The following PIGO variants were observed in gnomAD, a reference collection of about 807,000 sequenced individuals.
PIGO encodes GPI ethanolamine phosphate transferase 3, catalytic subunit.
In PIGO, 66 loss-of-function variants were observed where a neutral mutation model predicts 86.9. The ratio of observed to expected loss-of-function variants is 0.76; its 90% CI spans 0.62 to 0.93. The LOEUF (loss-of-function observed/expected upper bound fraction) is 0.93, where lower values mean the gene tolerates loss of function less well. Ranked by LOEUF, PIGO falls within the 40% of genes least tolerant of loss-of-function variation. PIGO has a pLI of 0.00. For synonymous variants in PIGO, 570 were observed against 556.4 expected (o/e 1.02, Z -0.34); for missense variants, 1,202 against 1,359.1 (o/e 0.88, Z 1.82).
In PIGO at chr9:35,092,450, G is replaced by A. The variant is rs143610910; in HGVS notation, c.1437C>T (p.Phe479=). 6.2e-7 allele frequency: 1 copy of A among 1,614,262 alleles called. No individual in the cohort carries two copies. Among genetic ancestry groups the A allele is most frequent in the Admixed American group, 1.7e-5 (1 of 60,036 alleles). Reference sequence around the variant, plus strand: ...CCACAGGTGTCAGGAGTAGAGGGCAGAATGGAAAGCCTGGGGATATTGCCC... The same window carrying A: ...CCACAGGTGTCAGGAGTAGAGGGCAAAATGGAAAGCCTGGGGATATTGCCC... The part of the protein sequence containing the change: ...SQWAISPGFP[F]CPLLLTPVAW... Residue 479 remains phenylalanine (F), a synonymous_variant, in exon 7 of 11, where the codon TTC becomes TTT. Transcript: ENST00000378617.
In PIGO at chr9:35,093,097, C is replaced by A; in HGVS notation, c.1052G>T (p.Gly351Val). ...AGAGGAGTGGGGCTGGGAGTCCTCA[C>A]CCCCTGAGAATAGCTCAGCCATCAC... ...GEVMAELFSG[G>V]EDSQPHSSAL... The change falls in exon 6 of 11, where the codon GGT (glycine) becomes GTT (valine). Residue 351 changes from glycine to valine, a missense_variant. By Grantham distance (109) the Gly-to-Val change is moderately radical. Coordinates refer to ENST00000378617, the MANE Select transcript of PIGO (RefSeq NM_032634.4). The A allele has an allele frequency of 6.2e-7, 1 of 1,614,164 alleles. No individual in the cohort carries two copies. Among genetic ancestry groups the A allele is most frequent in the South Asian group, 1.1e-5 (1 of 91,086 alleles).
intron 2 of PIGO, 28 bp downstream of exon 2, chr9:35,095,027 T>A: frequency 4.5e-6 from 7 of 1,543,048 alleles, no homozygotes; most frequent in Non-Finnish European, 5.2e-6. Context: ...CCAAGGTACT[T>A]CTGGCCTTCA....
At position 35,094,356 on chromosome 9, in the gene PIGO, C is replaced by A; in HGVS notation, c.515G>T (p.Arg172Met). 6.2e-7 allele frequency: 1 copy of A among 1,600,312 alleles called. No homozygotes were observed. Among genetic ancestry groups the A allele is most frequent in the Non-Finnish European group, 8.5e-7 (1 of 1,176,476 alleles). ...ATCATCTCCCATGAAGACTACACGC[C>A]TTCCTGCAGGGACATGAAAGAGAAG... is the stretch of plus-strand genomic sequence containing the variant. ...NLIKQLTSAGRRVVFMGDDTW... is the reference protein window; with the variant it reads ...NLIKQLTSAGMRVVFMGDDTW... Residue 172 changes from arginine (R) to methionine (M), a missense_variant, in exon 3 of 11, where the codon AGG (arginine) becomes ATG (methionine). Coordinates refer to ENST00000378617, the MANE Select transcript of PIGO (RefSeq NM_032634.4).
intron 4 of PIGO, 82 bp from the exon 5 acceptor site, chr9:35,093,662 A>ATTCATCC: frequency 6.8e-7 from 1 of 1,469,276 alleles, no homozygotes; most frequent in South Asian, 1.4e-5. Context: ...CCAGGGGCCT[A>ATTCATCC]TTCATCCCCA....
chr9:35,092,917 G>A lies in PIGO; in HGVS notation c.1119+113C>T, dbSNP rs986560200. On this transcript the variant is annotated intron_variant, in intron 6 of 10. Transcript: ENST00000378617. ...GGGAAGGGAGGGATAACGGAAGAGG[G>A]ATAGGTATGGAAGGTGGGACTAAGA... 1.8e-5 allele frequency: 25 copies of A among 1,394,580 alleles called. No individual in the cohort carries two copies. The South Asian group carries it at 3.3e-4, about 18-fold the overall frequency. The allele number at this position is 1,394,580 out of a possible 1,614,324, so 86.4% of individuals were successfully genotyped here.
chr9:35,090,292 G>C lies in PIGO; in HGVS notation c.2855-12C>G. ...CAGTGGGCAACCTACTGCCTCAAGA[G>C]AGGGTATGGCTGGAATCAACAGGCC... On this transcript the variant is annotated splice_polypyrimidine_tract_variant and intron_variant, in intron 8 of 10. Transcript: ENST00000378617. 1 of 1,611,878 alleles carries C rather than the reference G, an allele frequency of 6.2e-7. No individual in the cohort carries two copies. Among genetic ancestry groups the C allele is most frequent in the South Asian group, 1.1e-5 (1 of 90,990 alleles).
chr9:35,092,134 C>T lies in PIGO; in HGVS notation c.1753G>A (p.Val585Ile). The change falls in exon 7 of 11, where the codon GTT (valine) becomes ATT (isoleucine). Residue 585 changes from valine to isoleucine, a missense_variant. Coordinates refer to ENST00000378617, the MANE Select transcript of PIGO (RefSeq NM_032634.4). ...TGGCCCTCCCAGTGAAGCTGGACAA[C>T]CAGGAGCAGGATGAATGAGCCCAAA... ...FLLGSFILLL[V>I]VQLHWEGQLL... 2 of 1,614,218 alleles carry T rather than the reference C, an allele frequency of 1.2e-6. No homozygotes were observed. Among genetic ancestry groups the T allele is most frequent in the Non-Finnish European group, 1.7e-6 (2 of 1,180,046 alleles).
rs35287398 is a variant in PIGO at position 35,092,483 on chromosome 9, T to G, written c.1404A>C (p.Ala468=). Residue 468 remains alanine, a synonymous_variant, in exon 7 of 11, where the codon GCA becomes GCC. Coordinates refer to ENST00000378617, the MANE Select transcript of PIGO (RefSeq NM_032634.4). ...AGCCTGGGGATATTGCCCACTGAGA[T>G]GCCAGCAGGCAGATAAAGCAGGAAG... ...LAASCFICLL[A]SQWAISPGFP... is the part of the protein sequence containing the mutation. 23,124 of 1,614,142 alleles carry G rather than the reference T, an allele frequency of 0.014. 235 individuals are homozygous for G. Among genetic ancestry groups the G allele is most frequent in the Middle Eastern group, 0.037 (223 of 6,062 alleles).
rs1038089323 is a variant in PIGO at position 35,094,431 on chromosome 9, C to T, written c.512-72G>A. The T allele has an allele frequency of 2.0e-6, 3 of 1,530,470 alleles. No individual in the cohort carries two copies. The African/African-American group carries it at 4.2e-5, about 22-fold the overall frequency. 94.8% of individuals were successfully genotyped at this position (1,530,470 alleles called of 1,614,324 possible). On this transcript the variant is annotated intron_variant, in intron 2 of 10. Transcript: ENST00000378617. ...TTAGGAGAAAAGAGGAAAAGAGGCC[C>T]TTTAAAGACCCATCAGAAGTCCCAA...
At position 35,092,697 on chromosome 9, in the gene PIGO, T is replaced by G. The variant is rs752048368; in HGVS notation, c.1190A>C (p.Gln397Pro). 2 of 1,614,104 alleles carry G rather than the reference T, an allele frequency of 1.2e-6. No homozygotes were observed. Among genetic ancestry groups the G allele is most frequent in the Admixed American group, 1.7e-5 (1 of 60,020 alleles). ...DLQAKELHQL[Q>P]NLFSKASADY... ...AGCAGAGGCCTTGGAGAAGAGGTTC[T>G]GCAGCTGATGAAGCTCCTTAGCTTG... The change falls in exon 7 of 11, where the codon CAG becomes CCG. Residue 397 changes from glutamine to proline, a missense_variant. By Grantham distance (76) the Gln-to-Pro change is moderately conservative. Coordinates refer to ENST00000378617, the MANE Select transcript of PIGO (RefSeq NM_032634.4).
chr9:35,094,185 T>G (rs2131081387), intron 3 of PIGO, 31 bp downstream of exon 3: 1 of 1,577,612 alleles, frequency 6.3e-7, no homozygotes, highest in South Asian at 1.2e-5. Flanking sequence ...GCTCCCAGTC[T>G]TAGAACTAAG....
chr9:35,093,691 A>G, intron 4 of PIGO, 111 bp from the exon 5 acceptor site: 1 of 1,427,868 alleles, frequency 7.0e-7, no homozygotes, highest in Non-Finnish European at 9.3e-7. Flanking sequence ...TCCATTAGTA[A>G]GGCCTAGACC....
Position 35,095,247 on chromosome 9 carries a change from A to T in PIGO, c.319T>A (p.Leu107Met). 1 of 1,614,162 alleles carries T rather than the reference A, an allele frequency of 6.2e-7. No homozygotes were observed. Among genetic ancestry groups the T allele is most frequent in the Non-Finnish European group, 8.5e-7 (1 of 1,180,004 alleles). Residue 107 changes from leucine to methionine, a missense_variant, in exon 2 of 11, where the codon TTG becomes ATG. Leu to Met is a conservative substitution (Grantham distance 15). Transcript: ENST00000378617. ...SLPFLGKLSS[L>M]QRILEIQPHH... ...GGCTGAATCTCCAGGATCCTCTGCAAGGAGCTTAGTTTGCCCAGGAAGGGT... is the reference window on the plus strand; with the variant it reads ...GGCTGAATCTCCAGGATCCTCTGCATGGAGCTTAGTTTGCCCAGGAAGGGT...
rs1829484190 is a variant in PIGO at position 35,092,606 on chromosome 9, C to T, written c.1281G>A (p.Glu427=). 1.9e-6 allele frequency: 3 copies of T among 1,614,268 alleles called. No homozygotes were observed. The highest frequency in any genetic ancestry group is 1.1e-5 in the South Asian group (1 of 91,086). ...AEATLPTVIA[E]LQQFLRGARA... ...GAGCTCCCCGCAGGAACTGCTGCAG[C>T]TCAGCAATCACAGTCGGCAGTGTCG... is the stretch of plus-strand genomic sequence containing the variant. The change falls in exon 7 of 11, where the codon GAG becomes GAA. Residue 427 remains glutamate (E), a synonymous_variant. Coordinates refer to ENST00000378617, the MANE Select transcript of PIGO (RefSeq NM_032634.4).
rs751631767 is a variant in PIGO at position 35,093,587 on chromosome 9, G to T, written c.780-7C>A. ...CAGACGCTCCACAAGTCCCCTGGGGGCCAATAAATGTGTCAGGAGTAGAAA... is the reference window on the plus strand; with the variant it reads ...CAGACGCTCCACAAGTCCCCTGGGGTCCAATAAATGTGTCAGGAGTAGAAA... On this transcript the variant is annotated splice_region_variant and splice_polypyrimidine_tract_variant and intron_variant, in intron 4 of 10. Transcript: ENST00000378617. 1 of 1,591,846 alleles carries T rather than the reference G, an allele frequency of 6.3e-7. No individual in the cohort carries two copies. Among genetic ancestry groups the T allele is most frequent in the South Asian group, 1.1e-5 (1 of 87,924 alleles).
chr9:35,095,659 C>T (rs867947330), intron 1 of PIGO, 93 bp from the exon 2 acceptor site: 38 of 1,369,878 alleles, frequency 2.8e-5, no homozygotes, highest in Middle Eastern at 2.5e-4. Flanking sequence ...GAATCACTTC[C>T]TCCCGGAAAC....
At position 35,093,023 on chromosome 9, in the gene PIGO, T is replaced by C. The variant is rs568300; in HGVS notation, c.1119+7A>G. 0.54 allele frequency: 869,150 copies of C among 1,596,962 alleles called. 239,260 individuals are homozygous for C. Among genetic ancestry groups the C allele is most frequent in the Admixed American group, 0.64 (37,981 of 59,154 alleles). ...CTGTCACCTGGAAACCCAGCCCGCT[T>C]ACCTACCTGCTGAGCATTGAGATGG... On this transcript the variant is annotated splice_region_variant and intron_variant, in intron 6 of 10. Transcript: ENST00000378617.
rs1238415854 is a variant in PIGO, at chr9:35,094,314, A to T, written c.557T>A (p.Phe186Tyr). ...FMGDDTWKDL[F>Y]PGAFSKAFFF... ...GAAAGCTTTGGAGAAAGCACCAGGG[A>T]AAAGGTCTTTCCAGGTATCATCTCC... The change falls in exon 3 of 11, where the codon TTC (phenylalanine) becomes TAC (tyrosine). Residue 186 changes from phenylalanine (F) to tyrosine (Y), a missense_variant. By Grantham distance (22) the Phe-to-Tyr change is conservative. Transcript: ENST00000378617. 1 of 1,607,962 alleles carries T rather than the reference A, an allele frequency of 6.2e-7. No individual in the cohort carries two copies. The highest frequency in any genetic ancestry group is 1.7e-5 in the Admixed American group (1 of 57,492).
Position 35,093,939 on chromosome 9 carries a change from T to G in PIGO, c.741A>C (p.Glu247Asp), listed in dbSNP as rs1437954240. 1 of 1,614,202 alleles carries G rather than the reference T, an allele frequency of 6.2e-7. No individual in the cohort carries two copies. Among genetic ancestry groups the G allele is most frequent in the Non-Finnish European group, 8.5e-7 (1 of 1,180,022 alleles). Reference sequence around the variant, plus strand: ...CCATCTGGCTAAGTTTCTTGGCCATTTCAGGGTGGTGAGGGCCATGCTTGT... The same window carrying G: ...CCATCTGGCTAAGTTTCTTGGCCATGTCAGGGTGGTGAGGGCCATGCTTGT... The part of the protein sequence containing the change: ...CGHKHGPHHP[E>D]MAKKLSQMDQ... The change falls in exon 4 of 11, where the codon GAA (glutamate) becomes GAC (aspartate). Residue 247 changes from glutamate to aspartate, a missense_variant. Glu to Asp is a conservative substitution (Grantham distance 45). Coordinates refer to ENST00000378617, the MANE Select transcript of PIGO (RefSeq NM_032634.4).
Sources: allele counts gnomAD v4.1 joint callset, GRCh38; gene constraint gnomAD v4.1.1; transcripts MANE v1.5; gene names NCBI Gene and HGNC (gene_info 2026-07-23, HGNC 2026-07-21).